PPP1CC: variants seen among roughly 807,000 people sequenced by gnomAD.
PPP1CC encodes the protein serine/threonine-protein phosphatase PP1-gamma catalytic subunit.
PPP1CC carries 16 observed loss-of-function variants against 38.4 expected under a neutral mutation model. That is an observed-to-expected ratio of 0.42 (90% CI 0.28 to 0.63). The LOEUF is 0.63. Ranked by LOEUF, PPP1CC falls within the 30% of genes least tolerant of loss-of-function variation. PPP1CC has a pLI of 0.25. For missense variants in PPP1CC, 170 were observed against 391.3 expected, an observed-to-expected ratio of 0.43 and a Z score of 4.77; for synonymous variants, 158 against 136.0, an observed-to-expected ratio of 1.16 and a Z score of -1.13.
At chr12:110,734,538 T>C (rs903842057) in intron 1 of PPP1CC, among the ~76,000 whole-genome samples, 2 of 152,112 alleles carry the variant, frequency 1.3e-5, no homozygotes, top group African/African-American at 2.4e-5. Flanking sequence ...AGATGGGGTT[T>C]CTCCATATTG....
rs148384192 is a variant in PPP1CC at position 110,737,657 on chromosome 12, C to T, written c.55+4996G>A. ...TTACACTTCAGGCATTGAGAAGTGA[C>T]ACCAAGGCAGGGAGCTGTGGTTCAC... On this transcript the variant is annotated intron_variant, in intron 1 of 6. Coordinates refer to ENST00000335007, the MANE Select transcript of PPP1CC (RefSeq NM_002710.4). 4.2e-3 allele frequency among the ~76,000 whole-genome samples: 633 copies of T among 151,886 alleles called. 8 individuals are homozygous for T. Among genetic ancestry groups the T allele is most frequent in the African/African-American group, 0.014 (575 of 41,384 alleles).
the PPP1CC span, among the ~76,000 whole-genome samples, chr12:110,712,742 T>C: frequency 1.3e-5 from 2 of 151,626 alleles, no homozygotes; most frequent in African/African-American, 2.4e-5. Flanking sequence ...GCAAAATGCT[T>C]TTCTGATCTC....
At chr12:110,731,740 C>T (rs994450542) in intron 2 of PPP1CC, 30 bp downstream of exon 2, 2 of 1,586,236 alleles carry the variant, frequency 1.3e-6, no homozygotes, top group Non-Finnish European at 1.7e-6. Flanking sequence ...AATCATGTAA[C>T]AAAAGATAAC....
At chr12:110,733,338 A>C (rs1263123707) in intron 1 of PPP1CC, among the ~76,000 whole-genome samples, 1 of 152,224 alleles carries the variant, frequency 6.6e-6, no homozygotes, top group African/African-American at 2.4e-5. Context: ...TCCCACACTT[A>C]TGAATGAATA....
At chr12:110,727,258 C>T (rs556106952) in intron 3 of PPP1CC, among the ~76,000 whole-genome samples, 1 of 152,302 alleles carries the variant, frequency 6.6e-6, no homozygotes, top group East Asian at 1.9e-4. Context: ...GGCTTTGATT[C>T]TTTAGTTATG....
At position 110,720,323 on chromosome 12, in the gene PPP1CC, T is replaced by G; in HGVS notation, c.*753A>C. ...TAATTGCTATTCAAAATCAAAAACC[T>G]GTTTTTGAATCCCCAAGAAGGCAGC... On this transcript the variant is annotated 3_prime_UTR_variant, in exon 7 of 7. Transcript: ENST00000335007. 1.2e-6 allele frequency: 1 copy of G among 836,224 alleles called. No individual in the cohort carries two copies. The highest frequency in any genetic ancestry group is 1.9e-6 in the Non-Finnish European group (1 of 535,464). 51.8% of individuals were successfully genotyped at this position (836,224 alleles called of 1,614,324 possible).
rs2069725254 is a variant in PPP1CC, at chr12:110,720,426, G to C, written c.*650C>G. ...CAACAGAAACTTTGGCTTTAGGAAA[G>C]AGTCACAAATATTTAAAAGAATGGC... is the stretch of plus-strand genomic sequence containing the variant. On this transcript the variant is annotated 3_prime_UTR_variant, in exon 7 of 7. Coordinates refer to ENST00000335007, the MANE Select transcript of PPP1CC (RefSeq NM_002710.4). The C allele has an allele frequency of 1.3e-5, 6 of 474,192 alleles. No homozygotes were observed. The highest frequency in any genetic ancestry group is 1.9e-5 in the Non-Finnish European group (5 of 267,920). The allele number at this position is 474,192 out of a possible 1,614,324, so 29.4% of individuals were successfully genotyped here.
In PPP1CC at chr12:110,742,875, A is replaced by C; in HGVS notation, c.-168T>G. 1.2e-5 allele frequency: 5 copies of C among 423,616 alleles called. No individual in the cohort carries two copies. The highest frequency in any genetic ancestry group is 1.2e-5 in the Non-Finnish European group (3 of 245,406). The allele number at this position is 423,616 out of a possible 1,614,324, so 26.2% of individuals were successfully genotyped here. ...CTCCCTACTTCCTCCTTCTCTCCCC[A>C]CTGGAACCACGAGAAGAACAAAATG... On this transcript the variant is annotated 5_prime_UTR_variant, in exon 1 of 7. Coordinates refer to ENST00000335007, the MANE Select transcript of PPP1CC (RefSeq NM_002710.4).
chr12:110,729,700 ATTAT>A (rs561196098), intron 3 of PPP1CC, among the ~76,000 whole-genome samples: 2 of 150,074 alleles, frequency 1.3e-5, no homozygotes, highest in Non-Finnish European at 2.9e-5. Flanking sequence ...TCAAAAACTA[ATTAT>A]TTACGTATTG....
In PPP1CC at chr12:110,720,259, T is replaced by A; in HGVS notation, c.*817A>T. On this transcript the variant is annotated 3_prime_UTR_variant, in exon 7 of 7. Coordinates refer to ENST00000335007, the MANE Select transcript of PPP1CC (RefSeq NM_002710.4). ...ATATGGAAATTGTATAAAATGTTAT[T>A]ACCTTTTATCGTTAGTAGCTTAAAC... 1.4e-6 allele frequency: 2 copies of A among 1,414,452 alleles called. No homozygotes were observed. Among genetic ancestry groups the A allele is most frequent in the Non-Finnish European group, 1.9e-6 (2 of 1,038,710 alleles). 87.6% of individuals were successfully genotyped at this position (1,414,452 alleles called of 1,614,324 possible). A position where few individuals can be genotyped will look rare whatever the true frequency, so the allele number is the denominator to read the frequency against.
At chr12:110,739,736 G>A (rs1263356949) in intron 1 of PPP1CC, among the ~76,000 whole-genome samples, 1 of 152,128 alleles carries the variant, frequency 6.6e-6, no homozygotes, top group African/African-American at 2.4e-5. Flanking sequence ...TGTGAAGTAA[G>A]TTACAACCAC....
At chr12:110,731,662 T>C in intron 2 of PPP1CC, 108 bp downstream of exon 2, 1 of 1,280,564 alleles carries the variant, frequency 7.8e-7, no homozygotes, top group Non-Finnish European at 1.1e-6. Flanking sequence ...TTCCAAGCTA[T>C]TCGCAAACAG....
the PPP1CC span, among the ~76,000 whole-genome samples, chr12:110,712,972 C>G: frequency 1.3e-5 from 2 of 151,870 alleles, no homozygotes; most frequent in Non-Finnish European, 2.9e-5. Context: ...ACTTGGGAGG[C>G]TGAAGCAGGA....
the PPP1CC span, among the ~76,000 whole-genome samples, chr12:110,712,754 T>C: frequency 6.6e-6 from 1 of 150,888 alleles, no homozygotes; most frequent in Admixed American, 6.6e-5. Flanking sequence ...TCTGATCTCC[T>C]GTGTCTGTTA....
At chr12:110,734,436 C>T (rs559412822) in intron 1 of PPP1CC, among the ~76,000 whole-genome samples, 4 of 152,278 alleles carry the variant, frequency 2.6e-5, no homozygotes, top group African/African-American at 4.8e-5. Flanking sequence ...CTCCGTCTCC[C>T]GGGTTCAAGC....
In PPP1CC at chr12:110,722,718, A is replaced by AT. The variant is rs777990420; in HGVS notation, c.524-24_524-23insA. 6 of 1,567,220 alleles carry AT rather than the reference A, an allele frequency of 3.8e-6. No individual in the cohort carries two copies. The East Asian group carries it at 1.3e-4, about 35-fold the overall frequency. On this transcript the variant is annotated intron_variant, in intron 4 of 6. Coordinates refer to ENST00000335007, the MANE Select transcript of PPP1CC (RefSeq NM_002710.4). This position sits in a 1 kb window ranked among gnomAD's most constrained non-coding sequence, Gnocchi z 5.4. ...AACCTATTCAATGAGGAAAAAAAAAAAATGAAGAAAGCAGAACTTTTAAAA... is the reference window on the plus strand; with the variant it reads ...AACCTATTCAATGAGGAAAAAAAAAATAATGAAGAAAGCAGAACTTTTAAAA...
At chr12:110,730,059 C>T (rs2069854305) in intron 3 of PPP1CC, among the ~76,000 whole-genome samples, 1 of 152,184 alleles carries the variant, frequency 6.6e-6, no homozygotes, top group Non-Finnish European at 1.5e-5. Context: ...TATTTTTCTA[C>T]CCAAGAGAGA....
rs765612298 is a variant in PPP1CC, at chr12:110,722,730, C to G, written c.524-35G>C. 1 of 1,529,552 alleles carries G rather than the reference C, an allele frequency of 6.5e-7. No individual in the cohort carries two copies. Among genetic ancestry groups the G allele is most frequent in the East Asian group, 2.3e-5 (1 of 44,244 alleles). The allele number at this position is 1,529,552 out of a possible 1,614,324, so 94.7% of individuals were successfully genotyped here. ...GAGGAAAAAAAAAAAATGAAGAAAG[C>G]AGAACTTTTAAAAGGATACTACCCC... On this transcript the variant is annotated intron_variant, in intron 4 of 6. Coordinates refer to ENST00000335007, the MANE Select transcript of PPP1CC (RefSeq NM_002710.4). This position sits in a 1 kb window ranked among gnomAD's most constrained non-coding sequence, Gnocchi z 5.4.
At chr12:110,715,218 G>T (rs1045225224), downstream of PPP1CC, among the ~76,000 whole-genome samples, 26 of 152,088 alleles carry the variant, frequency 1.7e-4, 1 homozygote, top group African/African-American at 6.3e-4. Flanking sequence ...CACCAAATAT[G>T]CATTTTGGCT....
Sources: gnomAD v4.1 joint callset for allele counts (sites outside exome capture counted in the v4.1 genomes callset) on GRCh38, gnomAD v4.1.1 for gene constraint, Gnocchi (gnomAD v3.1) non-coding constraint, MANE v1.5 for transcripts, NCBI Gene and HGNC (gene_info 2026-07-23, HGNC 2026-07-21) for gene names.